UGT2B7: variants seen among roughly 807,000 people sequenced by gnomAD.
UGT2B7 encodes the protein UDP-glucuronosyltransferase 2B7.
Under a neutral mutation model 51.9 loss-of-function variants are expected in UGT2B7, and 51 were observed. The observed-to-expected ratio is 0.98, with a 90% CI of 0.78 to 1.24. UGT2B7 has a LOEUF of 1.24. Among genes scored for constraint, UGT2B7 ranks in the 50% most tolerant of loss-of-function variants. The pLI is 0.00. For synonymous variants in UGT2B7, 225 were observed against 211.6 expected (o/e 1.06, Z -0.55); for missense variants, 727 against 628.4 (o/e 1.16, Z -1.68).
intron 3 of UGT2B7, among the ~76,000 whole-genome samples, chr4:69,106,883 G>T (rs1719617043): frequency 6.7e-6 from 1 of 148,374 alleles, no homozygotes; most frequent in African/African-American, 2.5e-5. Context: ...TATGATGGTT[G>T]GCCACACGTA....
chr4:69,106,084 AAAATT>A (rs1302507439), intron 3 of UGT2B7, among the ~76,000 whole-genome samples: 1 of 152,158 alleles, frequency 6.6e-6, no homozygotes, highest in Non-Finnish European at 1.5e-5. Flanking sequence ...TTAATTTTAA[AAAATT>A]AAATTAATTT....
At chr4:69,086,457 G>A (rs1718961816) in intron 1 of UGT2B7, among the ~76,000 whole-genome samples, 1 of 151,788 alleles carries the variant, frequency 6.6e-6, no homozygotes, top group African/African-American at 2.4e-5. Context: ...TGCAGCTGTT[G>A]GATGGAATGT....
At chr4:69,093,299 C>T (rs144249251), upstream of UGT2B7, among the ~76,000 whole-genome samples, 184 of 152,298 alleles carry the variant, frequency 1.2e-3, 2 homozygotes, top group East Asian at 7.7e-3. Flanking sequence ...TTTGGATGCT[C>T]CAAAGCTCAA....
intron 1 of UGT2B7, among the ~76,000 whole-genome samples, chr4:69,078,601 T>C (rs1373115159): frequency 6.6e-6 from 1 of 152,184 alleles, no homozygotes; most frequent in Non-Finnish European, 1.5e-5. Flanking sequence ...GATTACTTTC[T>C]CCATGACTGT....
chr4:69,068,624 C>T (rs1357254566), intron 1 of UGT2B7, among the ~76,000 whole-genome samples: 1 of 151,796 alleles, frequency 6.6e-6, no homozygotes, highest in Non-Finnish European at 1.5e-5. Context: ...GTATGACACA[C>T]ATTGTCTTGG....
At chr4:69,106,847 T>G (rs1206826067) in intron 3 of UGT2B7, among the ~76,000 whole-genome samples, 1 of 148,276 alleles carries the variant, frequency 6.7e-6, no homozygotes, top group Non-Finnish European at 1.5e-5. Context: ...TCTAATGATG[T>G]TAAGCTTTTT....
In UGT2B7 at chr4:69,108,337, AT is replaced by A. The variant is rs1719675248; in HGVS notation, c.1310+20del. ...AATGATCCTTCGTGAGTAGAACAAT[AT>A]TTTTCACTAGGTGGTATTTACAGAT... On this transcript the variant is annotated intron_variant, in intron 5 of 5. Transcript: ENST00000305231. 6.2e-7 allele frequency: 1 copy of A among 1,611,494 alleles called. No homozygotes were observed. Among genetic ancestry groups the A allele is most frequent in the Non-Finnish European group, 8.5e-7 (1 of 1,178,030 alleles).
At chr4:69,077,743 C>T (rs1456656111) in intron 1 of UGT2B7, among the ~76,000 whole-genome samples, 1 of 152,138 alleles carries the variant, frequency 6.6e-6, no homozygotes, top group East Asian at 1.9e-4. Flanking sequence ...ATTTGACTTC[C>T]TCTTTTCCTA....
chr4:69,105,170 T>C (rs1719556654), intron 3 of UGT2B7, among the ~76,000 whole-genome samples: 1 of 151,896 alleles, frequency 6.6e-6, no homozygotes, highest in Non-Finnish European at 1.5e-5. Flanking sequence ...TAACAACTCC[T>C]CCCAATGGAG....
At chr4:69,088,767 G>A (rs750777303) in intron 1 of UGT2B7, among the ~76,000 whole-genome samples, 1 of 152,004 alleles carries the variant, frequency 6.6e-6, no homozygotes, top group Non-Finnish European at 1.5e-5. Flanking sequence ...TTCACCCCAG[G>A]TCATTCAACT....
rs566492015 is a variant in UGT2B7 at position 69,088,252 on chromosome 4, C to T, written c.-158-1220C>T. 5.9e-5 allele frequency among the ~76,000 whole-genome samples: 9 copies of T among 152,178 alleles called. No individual in the cohort carries two copies. The South Asian group carries it at 1.9e-3, about 32-fold the overall frequency. ...CTACTGAGTTTTTCAATTCACTTCA[C>T]ATATTTTTTATTAATTGGATTTCTT... On this transcript the variant is annotated intron_variant, in intron 1 of 5. Transcript: ENST00000502942.
In UGT2B7 at chr4:69,112,650, G is replaced by A. The variant is rs964197344; in HGVS notation, c.1504G>A (p.Ala502Thr). The change falls in exon 6 of 6, where the codon GCA becomes ACA. Residue 502 changes from alanine (A) to threonine (T), a missense_variant. By Grantham distance (58) the Ala-to-Thr change is moderately conservative. Transcript: ENST00000305231. ...DVIGFLLVCV[A>T]TVIFIVTKCC... ...GATTGGGTTCCTGCTGGTCTGTGTGGCAACTGTGATATTTATCGTCACAAA... is the reference window on the plus strand; with the variant it reads ...GATTGGGTTCCTGCTGGTCTGTGTGACAACTGTGATATTTATCGTCACAAA... The A allele has an allele frequency of 1.2e-6, 2 of 1,613,712 alleles. No homozygotes were observed. The highest frequency in any genetic ancestry group is 1.7e-6 in the Non-Finnish European group (2 of 1,179,880).
intron 5 of UGT2B7, among the ~76,000 whole-genome samples, chr4:69,108,559 G>T (rs553135344): frequency 6.6e-6 from 1 of 151,754 alleles, no homozygotes; most frequent in Non-Finnish European, 1.5e-5. Flanking sequence ...ATTTTAAAAG[G>T]ATATAGATAA....
chr4:69,072,990 G>A (rs987420591), intron 1 of UGT2B7, among the ~76,000 whole-genome samples: 2 of 152,142 alleles, frequency 1.3e-5, no homozygotes, highest in Non-Finnish European at 2.9e-5. Flanking sequence ...GAATGTAGAG[G>A]TTCTGAGAAA....
chr4:69,110,639 C>T (rs1196639389), intron 5 of UGT2B7, among the ~76,000 whole-genome samples: 2 of 152,000 alleles, frequency 1.3e-5, no homozygotes, highest in African/African-American at 4.8e-5. Flanking sequence ...CTAATGAGTA[C>T]GTATTATATA....
chr4:69,063,841 C>T (rs1718411490), intron 1 of UGT2B7, among the ~76,000 whole-genome samples: 1 of 151,980 alleles, frequency 6.6e-6, no homozygotes, highest in African/African-American at 2.4e-5. Flanking sequence ...TCATCAGAAA[C>T]ATCCAATCAA....
chr4:69,089,740 T>G (rs1311376003), intron 2 of UGT2B7: 1 of 152,312 alleles, frequency 6.6e-6, no homozygotes, highest in African/African-American at 2.4e-5. Context: ...TAAAGCATTA[T>G]AGTAGTGTAT....
chr4:69,074,496 T>C (rs1718663577), intron 1 of UGT2B7, among the ~76,000 whole-genome samples: 1 of 118,104 alleles, frequency 8.5e-6, no homozygotes, highest in Admixed American at 7.9e-5. Context: ...TTATGATCCT[T>C]GGGTGAAAAT....
chr4:69,053,596 A>T (rs28801471), intron 1 of UGT2B7, among the ~76,000 whole-genome samples: 70,339 of 151,920 alleles, frequency 0.46, 17,787 homozygotes, highest in African/African-American at 0.67. Flanking sequence ...AGTCATGCCA[A>T]GCTCTCTCTG....
Sources: gnomAD v4.1 joint callset for allele counts (sites outside exome capture counted in the v4.1 genomes callset) on GRCh38, gnomAD v4.1.1 for gene constraint, MANE v1.5 for transcripts, NCBI Gene and HGNC (gene_info 2026-07-23, HGNC 2026-07-21) for gene names.